The following ANKAR variants were observed in gnomAD, a reference collection of about 807,000 sequenced individuals.
The protein encoded by ANKAR is ankyrin and armadillo repeat-containing protein.
A neutral mutation model predicts 146.2 loss-of-function variants in ANKAR; 136 were observed. That is an observed-to-expected ratio of 0.93 (90% confidence interval 0.81 to 1.07). The LOEUF is 1.07. ANKAR is among the 50% of genes least tolerant of loss of function. ANKAR has a pLI of 0.00. For missense variants in ANKAR, 1,567 were observed against 1,679.9 expected, an observed-to-expected ratio of 0.93 and a Z score of 1.18; for synonymous variants, 500 against 575.8, an observed-to-expected ratio of 0.87 and a Z score of 1.88.
At chr2:189,734,969 A>G (rs1288044767) in intron 17 of ANKAR, among the ~76,000 whole-genome samples, 1 of 151,436 alleles carries the variant, frequency 6.6e-6, no homozygotes, top group African/African-American at 2.4e-5. Context: ...ATCTCAAAAA[A>G]GAGAATATAT....
At chr2:189,754,974 T>A in intron 18 of ANKAR, 5 of 629,162 alleles carry the variant, frequency 7.9e-6, no homozygotes, top group Non-Finnish European at 1.3e-5. Flanking sequence ...ATGAACCTCT[T>A]ACCATTTTAT....
intron 17 of ANKAR, among the ~76,000 whole-genome samples, chr2:189,734,504 A>T (rs2249907): frequency 0.98 from 149,469 of 152,310 alleles, 73,401 homozygotes; most frequent in South Asian, 1. Flanking sequence ...TTTCAACAGC[A>T]CTACCCTAAG....
At chr2:189,724,815 A>G (rs574576467) in intron 12 of ANKAR, among the ~76,000 whole-genome samples, 3 of 152,302 alleles carry the variant, frequency 2.0e-5, no homozygotes, top group Admixed American at 6.5e-5. Context: ...ACACTTTTCT[A>G]TTTAGTTTTG....
downstream of ANKAR, among the ~76,000 whole-genome samples, chr2:189,749,637 A>C (rs2044798275): frequency 6.6e-6 from 1 of 152,214 alleles, no homozygotes; most frequent in African/African-American, 2.4e-5. Context: ...GGACAACTAA[A>C]GCGTACAATA....
At chr2:189,747,413 C>G (rs1480163981), downstream of ANKAR, 2 of 128,378 alleles carry the variant, frequency 1.6e-5, no homozygotes, top group African/African-American at 5.7e-5. Flanking sequence ...GAAAATAAAA[C>G]AAAAATTTTT....
At position 189,695,142 on chromosome 2, in the gene ANKAR, A is replaced by T; in HGVS notation, c.1469A>T (p.Lys490Ile). ...HEQFKKKLGF[K>I]RAMKCKSIPF... ...CAATTTAAGAAAAAGCTTGGTTTCAAAAGAGCTATGAAATGCAAGGTATTT... is the reference window on the plus strand; with the variant it reads ...CAATTTAAGAAAAAGCTTGGTTTCATAAGAGCTATGAAATGCAAGGTATTT... Residue 490 changes from lysine to isoleucine, a missense_variant, in exon 6 of 23, where the codon AAA becomes ATA. Physicochemically the swap from Lys to Ile is moderately radical, Grantham distance 102. Coordinates refer to ENST00000684021, the MANE Select transcript of ANKAR (RefSeq NM_001378068.1). 2 of 1,605,658 alleles carry T rather than the reference A, an allele frequency of 1.2e-6. No individual in the cohort carries two copies. The highest frequency in any genetic ancestry group is 1.7e-6 in the Non-Finnish European group (2 of 1,177,358).
chr2:189,704,981 G>A (rs2038723439), intron 7 of ANKAR, 42 bp from the exon 8 acceptor site: 2 of 1,574,606 alleles, frequency 1.3e-6, no homozygotes, highest in South Asian at 1.1e-5. Flanking sequence ...TTTTAGGAAT[G>A]GTAGTGCTGT....
At chr2:189,725,463 A>G (rs1287903562) in intron 12 of ANKAR, among the ~76,000 whole-genome samples, 1 of 152,128 alleles carries the variant, frequency 6.6e-6, no homozygotes, top group Non-Finnish European at 1.5e-5. Context: ...GAGAAGGTAT[A>G]TGGTGAGTCA....
chr2:189,698,865 G>A (rs1173500885), intron 7 of ANKAR, among the ~76,000 whole-genome samples: 1 of 152,168 alleles, frequency 6.6e-6, no homozygotes. Flanking sequence ...AGTGGAACTG[G>A]AGCGGGAAAA....
chr2:189,728,684 G>A lies in ANKAR; in HGVS notation c.3056G>A (p.Ser1019Asn), dbSNP rs1310052777. Residue 1019 changes from serine (S) to asparagine (N), a missense_variant, in exon 15 of 23, where the codon AGT becomes AAT. Coordinates refer to ENST00000684021, the MANE Select transcript of ANKAR (RefSeq NM_001378068.1). ...YVGGEAVIAL[S>N]KDSRMHQNQI... ...GGAGGTGAAGCTGTCATAGCTCTAAGTAAGGACAGCAGGATGCATCAAAAT... is the reference window on the plus strand; with the variant it reads ...GGAGGTGAAGCTGTCATAGCTCTAAATAAGGACAGCAGGATGCATCAAAAT... The A allele has an allele frequency of 4.3e-6, 7 of 1,613,908 alleles. No homozygotes were observed. Among genetic ancestry groups the A allele is most frequent in the Non-Finnish European group, 5.9e-6 (7 of 1,179,866 alleles).
In ANKAR at chr2:189,689,579, C is replaced by T. The variant is rs369500106; in HGVS notation, c.654C>T (p.Asp218=). ...ACTTTAATGAAATCTATGATGAAGA[C>T]GTGAATGAAGATCCAACATATGATC... The part of the protein sequence containing the change: ...DPDFNEIYDE[D]VNEDPTYDPN... Residue 218 remains aspartate (D), a synonymous_variant, in exon 3 of 23, where the codon GAC becomes GAT. Transcript: ENST00000684021. 136 of 1,610,744 alleles carry T rather than the reference C, an allele frequency of 8.4e-5. No individual in the cohort carries two copies. Among genetic ancestry groups the T allele is most frequent in the Middle Eastern group, 1.7e-4 (1 of 6,046 alleles).
At chr2:189,748,198 A>ATTAT (rs1301799840), downstream of ANKAR, among the ~76,000 whole-genome samples, 1 of 152,062 alleles carries the variant, frequency 6.6e-6, no homozygotes, top group Non-Finnish European at 1.5e-5. Flanking sequence ...TGAATGAATT[A>ATTAT]TTATTTATTT....
chr2:189,680,024 A>G (rs1253071922), intron 2 of ANKAR, among the ~76,000 whole-genome samples: 1 of 152,182 alleles, frequency 6.6e-6, no homozygotes, highest in Non-Finnish European at 1.5e-5. Context: ...TAAGACTGAT[A>G]CCAGTTCTTC....
intron 15 of ANKAR, among the ~76,000 whole-genome samples, chr2:189,730,134 G>A (rs1446769323): frequency 6.6e-6 from 1 of 152,086 alleles, no homozygotes; most frequent in African/African-American, 2.4e-5. Context: ...ATTCATTTTT[G>A]TAGAAGTAAA....
In ANKAR at chr2:189,707,056, C is replaced by A. The variant is rs2039040466; in HGVS notation, c.2029C>A (p.His677Asn). 1 of 1,610,250 alleles carries A rather than the reference C, an allele frequency of 6.2e-7. No individual in the cohort carries two copies. The highest frequency in any genetic ancestry group is 1.3e-5 in the African/African-American group (1 of 74,770). ...KTDIKGNNII[H>N]LSVLTFHTEV... ...AGATATTAAAGGAAATAATATAATC[C>A]ATTTATCAGTGTTAACCTTTCATAC... Residue 677 changes from histidine to asparagine, a missense_variant, in exon 9 of 23, where the codon CAT becomes AAT. Physicochemically the swap from His to Asn is moderately conservative, Grantham distance 68. Transcript: ENST00000684021.
intron 19 of ANKAR, 36 bp from the exon 20 acceptor site, chr2:189,741,302 CAATT>C (rs1469745066): frequency 6.9e-7 from 1 of 1,459,288 alleles, no homozygotes; most frequent in Non-Finnish European, 9.4e-7. Flanking sequence ...AAGTTTATAT[CAATT>C]AAATAACACA....
Position 189,693,156 on chromosome 2 carries a change from T to A in ANKAR, c.1286T>A (p.Val429Asp). ...TATAAAGAATATTACTCAATACCAG[T>A]CATGGAATTTCATGGAAAAAGGTAC... Reference protein sequence around the residue: ...SGYKEYYSIPVMEFHGKSYYV... With the variant: ...SGYKEYYSIPDMEFHGKSYYV... The change falls in exon 5 of 23, where the codon GTC becomes GAC. Residue 429 changes from valine to aspartate, a missense_variant. Transcript: ENST00000684021. 6.5e-7 allele frequency: 1 copy of A among 1,548,850 alleles called. No homozygotes were observed. The highest frequency in any genetic ancestry group is 8.8e-7 in the Non-Finnish European group (1 of 1,139,606).
chr2:189,755,255 A>G (rs2045925589), intron 18 of ANKAR: 2 of 1,613,612 alleles, frequency 1.2e-6, no homozygotes, highest in Non-Finnish European at 1.7e-6. Context: ...TAATGCCAAC[A>G]GACAGTGACC....
intron 18 of ANKAR, among the ~76,000 whole-genome samples, chr2:189,752,001 G>C (rs370605229): frequency 6.6e-5 from 10 of 151,634 alleles, no homozygotes; most frequent in African/African-American, 1.9e-4. Flanking sequence ...AAAATGAGCT[G>C]GGCACAGCTG....
Sources: gnomAD v4.1 joint callset for allele counts (sites outside exome capture counted in the v4.1 genomes callset) on GRCh38, gnomAD v4.1.1 for gene constraint, MANE v1.5 for transcripts, NCBI Gene and HGNC (gene_info 2026-07-23, HGNC 2026-07-21) for gene names.